The following BMP2K variants were observed in gnomAD, a reference collection of about 807,000 sequenced individuals.
BMP2K encodes BMP2 inducible kinase.
In BMP2K, 74 loss-of-function variants were observed where a neutral mutation model predicts 116.0. That is an observed-to-expected ratio of 0.64 (90% confidence interval 0.53 to 0.77). The LOEUF is 0.77. Ranked by LOEUF, BMP2K falls within the 30% of genes least tolerant of loss-of-function variation. The probability of loss-of-function intolerance (pLI) is 0.00; values close to 1 mark genes in which losing one functional copy is unlikely to be tolerated. For missense variants in BMP2K, 1,365 were observed against 1,403.6 expected (o/e 0.97, Z 0.44); for synonymous variants, 486 against 502.5 (o/e 0.97, Z 0.44).
Position 78,865,542 on chromosome 4 carries a change from A to G in BMP2K, c.1068-15A>G, listed in dbSNP as rs778551623. 1.2e-6 allele frequency: 2 copies of G among 1,611,020 alleles called. No individual in the cohort carries two copies. Among genetic ancestry groups the G allele is most frequent in the South Asian group, 2.2e-5 (2 of 91,002 alleles). On this transcript the variant is annotated splice_polypyrimidine_tract_variant and intron_variant, in intron 9 of 15. Transcript: ENST00000502613. ...AATCCCAGTATTTAGAATGAAATATATTCTTCTGTTGTAGAATAACAGATA... is the reference window on the plus strand; with the variant it reads ...AATCCCAGTATTTAGAATGAAATATGTTCTTCTGTTGTAGAATAACAGATA...
intron 15 of BMP2K, among the ~76,000 whole-genome samples, chr4:78,901,257 T>G (rs1346695753): frequency 6.7e-6 from 1 of 149,584 alleles, no homozygotes; most frequent in Non-Finnish European, 1.5e-5. Context: ...GACTAGGTCT[T>G]ACTATGTTGC....
chr4:78,788,200 G>A (rs915756713), intron 1 of BMP2K, among the ~76,000 whole-genome samples: 1 of 150,396 alleles, frequency 6.6e-6, no homozygotes, highest in Admixed American at 6.6e-5. Flanking sequence ...TACAGGCACA[G>A]AAAAAAAAAG....
At chr4:78,823,642 G>A (rs1834517) in intron 1 of BMP2K, among the ~76,000 whole-genome samples, 28,279 of 148,806 alleles carry the variant, frequency 0.19, 5,789 homozygotes, top group African/African-American at 0.52. Flanking sequence ...ATATAGTTAT[G>A]TCTGTATATC....
intron 15 of BMP2K, among the ~76,000 whole-genome samples, chr4:78,897,187 G>T (rs951706527): frequency 4.9e-5 from 7 of 142,138 alleles, no homozygotes; most frequent in Non-Finnish European, 8.9e-5. Context: ...TTAAGAAAAT[G>T]TTTTTTTGAT....
intron 4 of BMP2K, among the ~76,000 whole-genome samples, chr4:78,844,279 T>A (rs1014408076): frequency 6.6e-6 from 1 of 151,726 alleles, no homozygotes; most frequent in Non-Finnish European, 1.5e-5. Context: ...TGTCCAAGGG[T>A]CCATATGCTA....
chr4:78,822,918 C>G (rs974361229), intron 1 of BMP2K, among the ~76,000 whole-genome samples: 1 of 152,160 alleles, frequency 6.6e-6, no homozygotes, highest in African/African-American at 2.4e-5. Flanking sequence ...ACACCCCTCT[C>G]TTGGACTACT....
chr4:78,901,378 T>G (rs1733998717), intron 15 of BMP2K, among the ~76,000 whole-genome samples: 1 of 152,082 alleles, frequency 6.6e-6, no homozygotes. Context: ...CTTGTAAAAT[T>G]TATCTTAAAT....
chr4:78,833,519 C>A, intron 2 of BMP2K, 63 bp from the exon 3 acceptor site: 1 of 1,090,544 alleles, frequency 9.2e-7, no homozygotes, highest in African/African-American at 1.6e-5. Context: ...GGCTTCAAAC[C>A]ATTACTAATT....
At chr4:78,906,410 C>T (rs899091407) in intron 15 of BMP2K, among the ~76,000 whole-genome samples, 2 of 151,982 alleles carry the variant, frequency 1.3e-5, no homozygotes, top group Non-Finnish European at 2.9e-5. Flanking sequence ...AGAAAATTTC[C>T]CCAGTTGCCC....
rs369759418 is a variant in BMP2K, at chr4:78,788,895, G to GTT, written c.178+12193_178+12194dup. 6.5e-4 allele frequency among the ~76,000 whole-genome samples: 70 copies of GTT among 107,322 alleles called. 1 individual carries two copies. Among genetic ancestry groups the GTT allele is most frequent in the Admixed American group, 2.0e-3 (21 of 10,696 alleles). 70.4% of individuals were successfully genotyped at this position (107,322 alleles called of 152,430 possible). A position where few individuals can be genotyped will look rare whatever the true frequency, so the allele number is the denominator to read the frequency against. ...TTGTTTTCATCTTAGAATAGTGGCT[G>GTT]TTTTTTTTTTTTTTTTTTTTAAATA... On this transcript the variant is annotated intron_variant, in intron 1 of 15. Transcript: ENST00000502613.
Position 78,880,323 on chromosome 4 carries a change from C to T in BMP2K, c.1951+1432C>T, listed in dbSNP as rs182784684. Among the ~76,000 whole-genome samples the T allele has an allele frequency of 1.5e-3, 228 of 152,288 alleles. 1 individual carries two copies. Among genetic ancestry groups the T allele is most frequent in the African/African-American group, 5.2e-3 (217 of 41,556 alleles). On this transcript the variant is annotated intron_variant, in intron 14 of 15. Transcript: ENST00000502613. ...CTGACCTCAGGTGATCCACCCACCT[C>T]GGCCTCCCAAAGTACTGGGATTACA...
chr4:78,894,861 A>G (rs949333792), intron 15 of BMP2K, among the ~76,000 whole-genome samples: 2 of 152,198 alleles, frequency 1.3e-5, no homozygotes, highest in African/African-American at 4.8e-5. Flanking sequence ...GAACACTTAG[A>G]GGCCATTGTG....
At chr4:78,788,089 T>C (rs1727812967) in intron 1 of BMP2K, among the ~76,000 whole-genome samples, 1 of 152,070 alleles carries the variant, frequency 6.6e-6, no homozygotes, top group Non-Finnish European at 1.5e-5. Flanking sequence ...ACTATTTTTC[T>C]AGGGAGTGGG....
intron 1 of BMP2K, among the ~76,000 whole-genome samples, chr4:78,814,251 C>G (rs1729222412): frequency 1.3e-5 from 2 of 152,160 alleles, no homozygotes. Flanking sequence ...GTTGCAAATG[C>G]TATTCTCTGC....
chr4:78,860,166 G>A, intron 8 of BMP2K: 2 of 449,492 alleles, frequency 4.4e-6, no homozygotes, highest in East Asian at 5.7e-5. Flanking sequence ...AGACAGTGGA[G>A]TAATAGACAT....
intron 1 of BMP2K, among the ~76,000 whole-genome samples, chr4:78,803,945 C>T (rs1416492967): frequency 2.6e-5 from 4 of 152,160 alleles, no homozygotes; most frequent in African/African-American, 9.7e-5. Flanking sequence ...ATCTCTTATA[C>T]TCTGATTTTT....
At chr4:78,807,100 C>T (rs1029172443) in intron 1 of BMP2K, among the ~76,000 whole-genome samples, 18 of 152,102 alleles carry the variant, frequency 1.2e-4, no homozygotes, top group African/African-American at 4.3e-4. Context: ...GATCCTCCTG[C>T]CTTGGCCTCC....
intron 2 of BMP2K, among the ~76,000 whole-genome samples, chr4:78,832,300 A>G (rs1291991799): frequency 2.6e-5 from 4 of 152,050 alleles, no homozygotes; most frequent in Non-Finnish European, 5.9e-5. Flanking sequence ...TAAGGAAAGT[A>G]TTTTTCCGCA....
At position 78,861,477 on chromosome 4, in the gene BMP2K, A is replaced by G. The variant is rs1273696436; in HGVS notation, c.1067+9A>G. ...AGCCAAATAAAAGCCAGGTAGGCAA[A>G]ACTATGCTGAAATTGAAAAGGCATT... On this transcript the variant is annotated intron_variant, in intron 9 of 15. Transcript: ENST00000502613. 2 of 1,596,372 alleles carry G rather than the reference A, an allele frequency of 1.3e-6. No homozygotes were observed. Among genetic ancestry groups the G allele is most frequent in the Admixed American group, 3.4e-5 (2 of 58,912 alleles).
Sources: allele counts gnomAD v4.1 joint callset (sites outside exome capture counted in the v4.1 genomes callset), GRCh38; gene constraint gnomAD v4.1.1; transcripts MANE v1.5; gene names NCBI Gene and HGNC (gene_info 2026-07-23, HGNC 2026-07-21).